GNE: variants seen among roughly 807,000 people sequenced by gnomAD.
GNE encodes the protein glucosamine (UDP-N-acetyl)-2-epimerase/N-acetylmannosamine kinase, also known as bifunctional UDP-N-acetylglucosamine 2-epimerase/N-acetylmannosamine kinase.
Under a neutral mutation model 61.8 loss-of-function variants are expected in GNE, and 41 were observed. That is an observed-to-expected ratio of 0.66 (90% CI 0.52 to 0.86). The LOEUF is 0.86. Among genes scored for constraint, GNE ranks in the 40% least tolerant of loss-of-function variants. GNE has a pLI of 0.00. For synonymous variants in GNE, 264 were observed against 326.4 expected (o/e 0.81, Z 2.06); for missense variants, 608 against 909.1 (o/e 0.67, Z 4.26).
chr9:36,258,929 C>T (rs1830515768), upstream of GNE, among the ~76,000 whole-genome samples: 1 of 152,184 alleles, frequency 6.6e-6, no homozygotes, highest in African/African-American at 2.4e-5. Context: ...AATTGATGAC[C>T]AAGGCATGGC....
At chr9:36,231,835 T>C (rs1563936722) in intron 5 of GNE, among the ~76,000 whole-genome samples, 1 of 152,236 alleles carries the variant, frequency 6.6e-6, no homozygotes, top group African/African-American at 2.4e-5. Context: ...ACTCTAACTC[T>C]TCCTGGAACT....
chr9:36,244,548 A>C (rs1243812799), intron 3 of GNE, among the ~76,000 whole-genome samples: 3 of 152,216 alleles, frequency 2.0e-5, no homozygotes, highest in Non-Finnish European at 2.9e-5. Context: ...GCTTTTTAAT[A>C]ATCATCATAA....
At position 36,221,974 on chromosome 9, in the gene GNE, C is replaced by T. The variant is rs73441266; in HGVS notation, c.1633+803G>A. ...AACAGTACTGGATACCAGTACCTGA[C>T]GGGGCAGGACGAACTTATTTTCAAA... On this transcript the variant is annotated intron_variant, in intron 9 of 11. Transcript: ENST00000642385. 4.0e-3 allele frequency among the ~76,000 whole-genome samples: 613 copies of T among 152,256 alleles called. 5 individuals are homozygous for T. The highest frequency in any genetic ancestry group is 0.014 in the African/African-American group (589 of 41,530).
rs529136436 is a variant in GNE at position 36,234,984 on chromosome 9, T to C, written c.770-852A>G. 2.0e-5 allele frequency among the ~76,000 whole-genome samples: 3 copies of C among 152,194 alleles called. No individual in the cohort carries two copies. The South Asian group carries it at 6.2e-4, about 31-fold the overall frequency. ...GCATCATCTGTAATTATTGTACAGG[T>C]TGAGCATCCCTTATTCGACATGGTT... On this transcript the variant is annotated intron_variant, in intron 4 of 11. Coordinates refer to ENST00000642385, the MANE Select transcript of GNE (RefSeq NM_005476.7).
chr9:36,245,813 G>C (rs1829848315), intron 3 of GNE, among the ~76,000 whole-genome samples: 1 of 152,118 alleles, frequency 6.6e-6, no homozygotes, highest in Admixed American at 6.6e-5. Context: ...AAATATAGCA[G>C]AGATTTTTAA....
At chr9:36,242,071 G>A (rs1321786361) in intron 3 of GNE, among the ~76,000 whole-genome samples, 14 of 152,054 alleles carry the variant, frequency 9.2e-5, no homozygotes, top group Non-Finnish European at 1.5e-5. Flanking sequence ...GGGAGGCAGA[G>A]GTTGCAGTGA....
chr9:36,227,897 G>A (rs772604360), intron 6 of GNE, among the ~76,000 whole-genome samples: 4 of 151,800 alleles, frequency 2.6e-5, no homozygotes, highest in Non-Finnish European at 4.4e-5. Flanking sequence ...TTAGCCAGGC[G>A]TTGTGGGTGC....
chr9:36,254,958 A>C (rs1410286858), intron 1 of GNE, among the ~76,000 whole-genome samples: 1 of 152,100 alleles, frequency 6.6e-6, no homozygotes, highest in Non-Finnish European at 1.5e-5. Context: ...ATCTCAAAAA[A>C]AAATAATTGG....
rs757091387 is a variant in GNE at position 36,234,009 on chromosome 9, A to G, written c.893T>C (p.Ile298Thr). The G allele has an allele frequency of 1.2e-6, 2 of 1,614,094 alleles. No homozygotes were observed. The highest frequency in any genetic ancestry group is 1.7e-6 in the Non-Finnish European group (2 of 1,179,934). The part of the protein sequence containing the change: ...IQLVAHAGCM[I>T]GNSSCGVREV... ...TCGAACCCCACAGCTGCTGTTCCCA[A>G]TCATACAGCCAGCATGGGCAACCAA... The change falls in exon 5 of 12, where the codon ATT (isoleucine) becomes ACT (threonine). Residue 298 changes from isoleucine (I) to threonine (T), a missense_variant. Transcript: ENST00000642385.
intron 1 of GNE, chr9:36,264,909 A>G (rs1030369515): frequency 5.7e-5 from 9 of 157,020 alleles, no homozygotes; most frequent in South Asian, 3.9e-4. Context: ...CTCCCTTTGT[A>G]TGGGAGCTGT....
At chr9:36,252,237 G>A (rs1240389983) in intron 1 of GNE, among the ~76,000 whole-genome samples, 4 of 152,010 alleles carry the variant, frequency 2.6e-5, no homozygotes, top group East Asian at 1.9e-4. Flanking sequence ...CACCCGCCTC[G>A]GCCTCCCAAA....
Position 36,241,458 on chromosome 9 carries a change from G to C in GNE, c.617-4474C>G, listed in dbSNP as rs139791003. Among the ~76,000 whole-genome samples, 5 of 152,286 alleles carry C rather than the reference G, an allele frequency of 3.3e-5. No individual in the cohort carries two copies. The East Asian group carries it at 9.6e-4, about 29-fold the overall frequency. On this transcript the variant is annotated intron_variant, in intron 3 of 11. Coordinates refer to ENST00000642385, the MANE Select transcript of GNE (RefSeq NM_005476.7). ...AAGGATGGCAAAGTAGCAAAAACTA[G>C]AAGTCTTTTTAGACCAGGGAAAAGT... is the stretch of plus-strand genomic sequence containing the variant.
intron 7 of GNE, among the ~76,000 whole-genome samples, chr9:36,225,366 C>T (rs1828815082): frequency 6.6e-6 from 1 of 151,960 alleles, no homozygotes; most frequent in South Asian, 2.1e-4. Flanking sequence ...CAGGCACGGT[C>T]GCTCACACCT....
At chr9:36,260,596 G>A (rs967785158), upstream of GNE, among the ~76,000 whole-genome samples, 1 of 151,930 alleles carries the variant, frequency 6.6e-6, no homozygotes, top group Non-Finnish European at 1.5e-5. Context: ...TTGGCCAGGC[G>A]CGGTGGCTCA....
rs59845826 is a variant in GNE at position 36,272,917 on chromosome 9, C to CA, written c.51+3976dup. Among the ~76,000 whole-genome samples the CA allele has an allele frequency of 8.1e-3, 310 of 38,352 alleles. 1 individual carries two copies. The highest frequency in any genetic ancestry group is 0.015 in the African/African-American group (222 of 14,890). The allele number at this position is 38,352 out of a possible 152,430, so 25.2% of individuals were successfully genotyped here. On this transcript the variant is annotated intron_variant, in intron 1 of 11. Coordinates refer to the GNE transcript ENST00000396594. ...GGTGAAACCTCATCTAGTAAAAATA[C>CA]AAAAAAAAAAAAAAAAAAAAAGCTG...
intron 1 of GNE, among the ~76,000 whole-genome samples, chr9:36,256,330 C>T (rs1195738149): frequency 7.3e-5 from 11 of 149,972 alleles, no homozygotes; most frequent in Non-Finnish European, 1.6e-4. Context: ...CTGCAACCTC[C>T]GCTTCCTGGG....
At chr9:36,227,121 A>G (rs1828902135) in intron 7 of GNE, 127 bp downstream of exon 7, 5 of 712,296 alleles carry the variant, frequency 7.0e-6, no homozygotes, top group Admixed American at 4.2e-5. Context: ...CCACAAGTCA[A>G]TACTATCAGC....
intron 2 of GNE, among the ~76,000 whole-genome samples, chr9:36,248,521 AC>A (rs1829994798): frequency 6.7e-6 from 1 of 149,692 alleles, no homozygotes; most frequent in African/African-American, 2.5e-5. Context: ...ATAGGGTTTC[AC>A]CATGTTGGCC....
intron 1 of GNE, 88 bp from the exon 2 acceptor site, chr9:36,249,485 T>A: frequency 1.1e-6 from 1 of 903,728 alleles, no homozygotes; most frequent in Non-Finnish European, 1.7e-6. Context: ...AAATAGAAAT[T>A]TTCAGTTTCA....
Sources: gnomAD v4.1 joint callset for allele counts (sites outside exome capture counted in the v4.1 genomes callset) on GRCh38, gnomAD v4.1.1 for gene constraint, MANE v1.5 for transcripts, NCBI Gene and HGNC (gene_info 2026-07-23, HGNC 2026-07-21) for gene names.